Variants in CUX1 observed in about 807,000 individuals in gnomAD.
The protein encoded by CUX1 is cut like homeobox 1.
CUX1 carries 31 observed loss-of-function variants against 158.8 expected under a neutral mutation model. That is an observed-to-expected ratio of 0.20 (90% CI 0.15 to 0.26). The LOEUF (loss-of-function observed/expected upper bound fraction) is 0.26, where lower values mean the gene tolerates loss of function less well. CUX1 is among the 10% of genes least tolerant of loss of function. CUX1 has a pLI of 1.00. For synonymous variants in CUX1, 879 were observed against 862.1 expected (o/e 1.02, Z -0.34); for missense variants, 1,589 against 2,014.6 (o/e 0.79, Z 4.04).
chr7:102,031,093 C>G (rs1382131438), intron 3 of CUX1, among the ~76,000 whole-genome samples: 2 of 152,136 alleles, frequency 1.3e-5, no homozygotes, highest in East Asian at 3.9e-4. Context: ...GGGTCTTGCT[C>G]TGTCCCCCAG....
At chr7:102,056,960 G>A (rs1824225311) in intron 3 of CUX1, among the ~76,000 whole-genome samples, 1 of 149,604 alleles carries the variant, frequency 6.7e-6, no homozygotes, top group African/African-American at 2.5e-5. Context: ...GGAGTCTAGT[G>A]GTGCGATCTC....
chr7:101,921,856 G>A (rs1435647354), intron 2 of CUX1, among the ~76,000 whole-genome samples: 3 of 152,086 alleles, frequency 2.0e-5, no homozygotes, highest in East Asian at 1.9e-4. Context: ...AGTGGCTTAC[G>A]CCTGTAATCC....
At chr7:101,913,404 C>A (rs1393150586) in intron 1 of CUX1, 3 of 1,262,352 alleles carry the variant, frequency 2.4e-6, no homozygotes, top group East Asian at 1.2e-4. Context: ...AGCAAGTTGC[C>A]GCAGGCGCAC....
At chr7:102,197,515 G>A (rs958218011) in intron 15 of CUX1, among the ~76,000 whole-genome samples, 3 of 152,190 alleles carry the variant, frequency 2.0e-5, no homozygotes, top group East Asian at 3.8e-4. Flanking sequence ...CCTTTGAAAC[G>A]CACTCAGCAC....
chr7:101,950,825 A>G (rs528134215), intron 2 of CUX1, among the ~76,000 whole-genome samples: 1 of 152,310 alleles, frequency 6.6e-6, no homozygotes, highest in Admixed American at 6.5e-5. Context: ...TGCTGGGATT[A>G]CAGGCGTGAG....
chr7:102,023,946 A>G (rs959252983), intron 2 of CUX1, among the ~76,000 whole-genome samples: 1 of 152,244 alleles, frequency 6.6e-6, no homozygotes, highest in Non-Finnish European at 1.5e-5. Flanking sequence ...GGAAAAAAAT[A>G]CATGGATAGG....
chr7:102,162,697 T>A (rs1790580020), intron 9 of CUX1, among the ~76,000 whole-genome samples: 1 of 152,126 alleles, frequency 6.6e-6, no homozygotes, highest in African/African-American at 2.4e-5. Context: ...GTGTTTTTAG[T>A]AGAGACGGGG....
chr7:102,255,382 T>TC lies in CUX1; in HGVS notation c.*6343dup, dbSNP rs1356654058. The TC allele has an allele frequency of 2.7e-4, 227 of 832,626 alleles. No homozygotes were observed. The African/African-American group carries it at 9.0e-3, about 33-fold the overall frequency. The allele number at this position is 832,626 out of a possible 1,614,324, so 51.6% of individuals were successfully genotyped here. A position where few individuals can be genotyped will look rare whatever the true frequency, so the allele number is the denominator to read the frequency against. On this transcript the variant is annotated 3_prime_UTR_variant, in exon 24 of 24. Coordinates refer to ENST00000292535, the MANE Select transcript of CUX1 (RefSeq NM_181552.4). ...AAAGTTGGGCATTGTAGGCGAAAAA[T>TC]CCCAAAAAAAAAAAAAGACAAAAAA...
chr7:102,042,377 C>T (rs916676464), intron 3 of CUX1, among the ~76,000 whole-genome samples: 1 of 152,192 alleles, frequency 6.6e-6, no homozygotes, highest in Non-Finnish European at 1.5e-5. Context: ...CCACTGGGCT[C>T]GGTTCCCTGA....
chr7:102,269,490 C>A (rs1791054146), intron 14 of CUX1, among the ~76,000 whole-genome samples: 1 of 152,072 alleles, frequency 6.6e-6, no homozygotes, highest in Non-Finnish European at 1.5e-5. Context: ...ACTGTAACCT[C>A]CGCCTCCCAG....
intron 6 of CUX1, among the ~76,000 whole-genome samples, chr7:102,107,920 C>A (rs1002609332): frequency 3.3e-5 from 5 of 152,186 alleles, no homozygotes; most frequent in African/African-American, 1.2e-4. Flanking sequence ...CCTGGGGGAG[C>A]GCGGCAGGGC....
intron 20 of CUX1, among the ~76,000 whole-genome samples, chr7:102,209,912 G>A (rs1796355493): frequency 6.6e-6 from 1 of 151,922 alleles, no homozygotes; most frequent in African/African-American, 2.4e-5. Flanking sequence ...AGACAGACGG[G>A]GACTCACTCT....
Position 102,227,354 on chromosome 7 carries a change from G to A in CUX1, c.3131-13G>A, listed in dbSNP as rs1554528939. On this transcript the variant is annotated splice_polypyrimidine_tract_variant and intron_variant, in intron 20 of 23. Coordinates refer to ENST00000292535, the MANE Select transcript of CUX1 (RefSeq NM_181552.4). ...TATTTTCAGGCACGGTTTCTCGTGTGCTTTAATTACAGAAAGCACTCCAAA... is the reference window on the plus strand; with the variant it reads ...TATTTTCAGGCACGGTTTCTCGTGTACTTTAATTACAGAAAGCACTCCAAA... The A allele has an allele frequency of 6.3e-7, 1 of 1,594,464 alleles. No homozygotes were observed. Among genetic ancestry groups the A allele is most frequent in the East Asian group, 2.3e-5 (1 of 44,426 alleles).
intron 22 of CUX1, among the ~76,000 whole-genome samples, chr7:102,235,247 G>A (rs954085897): frequency 3.9e-5 from 6 of 152,166 alleles, no homozygotes; most frequent in African/African-American, 1.4e-4. Context: ...TCCGCCCCTC[G>A]AGCACCCTCA....
Position 101,916,955 on chromosome 7 carries a change from C to T in CUX1, c.141+730C>T, listed in dbSNP as rs1804284851. On this transcript the variant is annotated intron_variant, in intron 2 of 23. Transcript: ENST00000292535. This position sits in a 1 kb window ranked among gnomAD's most constrained non-coding sequence, Gnocchi z 4.4. ...AGCGTGTTGCAGGCAGATGAGCAGTCGCGGGAATGGCTTTCCGGGTGACAT... is the reference window on the plus strand; with the variant it reads ...AGCGTGTTGCAGGCAGATGAGCAGTTGCGGGAATGGCTTTCCGGGTGACAT... Among the ~76,000 whole-genome samples, 3 of 151,950 alleles carry T rather than the reference C, an allele frequency of 2.0e-5. No individual in the cohort carries two copies. The highest frequency in any genetic ancestry group is 2.0e-4 in the Admixed American group (3 of 15,230).
At chr7:102,068,979 A>G (rs1481533563) in intron 3 of CUX1, among the ~76,000 whole-genome samples, 1 of 152,088 alleles carries the variant, frequency 6.6e-6, no homozygotes, top group African/African-American at 2.4e-5. Flanking sequence ...CACAAAACCA[A>G]TCCTGGCCAC....
intron 4 of CUX1, among the ~76,000 whole-genome samples, chr7:102,075,656 A>AC (rs1276818581): frequency 6.6e-6 from 1 of 152,102 alleles, no homozygotes. Flanking sequence ...CCACTGAACC[A>AC]CCCTCCCGAG....
intron 4 of CUX1, among the ~76,000 whole-genome samples, chr7:102,089,852 C>T (rs1462228905): frequency 4.6e-5 from 7 of 152,190 alleles, no homozygotes; most frequent in Non-Finnish European, 1.0e-4. Flanking sequence ...CATCACACTC[C>T]GCTTGGGTTT....
At chr7:101,838,215 C>T (rs1043893996) in intron 1 of CUX1, among the ~76,000 whole-genome samples, 1 of 151,480 alleles carries the variant, frequency 6.6e-6, no homozygotes, top group Non-Finnish European at 1.5e-5. Flanking sequence ...CTGCAACCTA[C>T]GCCTCCTGGA....
Sources: allele counts gnomAD v4.1 joint callset (sites outside exome capture counted in the v4.1 genomes callset), GRCh38; gene constraint gnomAD v4.1.1; non-coding constraint Gnocchi (gnomAD v3.1); transcripts MANE v1.5; gene names NCBI Gene and HGNC (gene_info 2026-07-23, HGNC 2026-07-21).